ROBO2: variants seen among roughly 807,000 people sequenced by gnomAD.
ROBO2 encodes the protein roundabout homolog 2.
In ROBO2, 53 loss-of-function variants were observed where a neutral mutation model predicts 160.8. The ratio of observed to expected loss-of-function variants is 0.33; its 90% CI spans 0.26 to 0.41. ROBO2 has a LOEUF of 0.41. Ranked by LOEUF, ROBO2 falls within the 10% of genes least tolerant of loss-of-function variation. The probability of loss-of-function intolerance (pLI) is 1.00; values close to 1 mark genes in which losing one functional copy is unlikely to be tolerated. For synonymous variants in ROBO2, 664 were observed against 611.7 expected (o/e 1.09, Z -1.26); for missense variants, 1,577 against 1,722.4 (o/e 0.92, Z 1.49).
chr3:76,716,823 G>C (rs1487075313), intron 2 of ROBO2, among the ~76,000 whole-genome samples: 1 of 152,194 alleles, frequency 6.6e-6, no homozygotes, highest in African/African-American at 2.4e-5. Flanking sequence ...GGGATGGCCA[G>C]TGGCAAGCTC....
intron 1 of ROBO2, chr3:75,937,447 T>C (rs1392469994): frequency 8.4e-7 from 1 of 1,188,108 alleles, no homozygotes; most frequent in Non-Finnish European, 1.2e-6. Context: ...ATGTAATTTA[T>C]TGTACTTTCA....
intron 2 of ROBO2, among the ~76,000 whole-genome samples, chr3:76,893,989 A>G (rs2074564734): frequency 6.6e-6 from 1 of 152,134 alleles, no homozygotes. Context: ...CTGTGAATTG[A>G]TAGACGATTT....
chr3:77,052,048 C>G (rs989532597), intron 1 of ROBO2, among the ~76,000 whole-genome samples: 3 of 152,148 alleles, frequency 2.0e-5, no homozygotes, highest in Non-Finnish European at 4.4e-5. Flanking sequence ...ACCCCAGATT[C>G]TTCCGTTTTC....
At chr3:76,544,482 C>A (rs964586389) in intron 2 of ROBO2, among the ~76,000 whole-genome samples, 5 of 151,924 alleles carry the variant, frequency 3.3e-5, no homozygotes, top group African/African-American at 1.2e-4. Flanking sequence ...AAATTTCCTC[C>A]AGCCATTTCT....
chr3:76,085,641 C>T (rs1222106277), intron 2 of ROBO2, among the ~76,000 whole-genome samples: 1 of 151,980 alleles, frequency 6.6e-6, no homozygotes, highest in African/African-American at 2.4e-5. Context: ...AAACTGTTGC[C>T]CCTGAAATTG....
intron 2 of ROBO2, among the ~76,000 whole-genome samples, chr3:76,896,727 G>T (rs543267786): frequency 1.3e-5 from 2 of 152,154 alleles, no homozygotes; most frequent in South Asian, 4.1e-4. Context: ...TGGTGACTGG[G>T]AGTTTATCAT....
intron 2 of ROBO2, among the ~76,000 whole-genome samples, chr3:76,622,510 C>T (rs2089296271): frequency 6.6e-6 from 1 of 152,016 alleles, no homozygotes; most frequent in South Asian, 2.1e-4. Context: ...TTAACAGTCC[C>T]ATCCCCTATC....
At chr3:76,993,199 TAC>T (rs983715678) in intron 2 of ROBO2, among the ~76,000 whole-genome samples, 3 of 151,458 alleles carry the variant, frequency 2.0e-5, no homozygotes, top group African/African-American at 7.4e-5. Flanking sequence ...GCTTCTGACT[TAC>T]AGTCAATCTC....
At chr3:75,907,549 T>C (rs1946400126) in intron 1 of ROBO2, among the ~76,000 whole-genome samples, 1 of 152,182 alleles carries the variant, frequency 6.6e-6, no homozygotes, top group South Asian at 2.1e-4. Context: ...GACGGCAATA[T>C]AGCTTAAAAG....
At chr3:77,515,188 C>G (rs550350658) in intron 5 of ROBO2, among the ~76,000 whole-genome samples, 1 of 151,820 alleles carries the variant, frequency 6.6e-6, no homozygotes, top group African/African-American at 2.4e-5. Context: ...ACCTGAGACA[C>G]TTAAGGTAAA....
chr3:77,574,672 T>C, exon 14 of ROBO2: 2 of 1,613,320 alleles, frequency 1.2e-6, no homozygotes, highest in Non-Finnish European at 1.7e-6. Context: ...TACGGCCATA[T>C]TTTAATGAGT....
intron 2 of ROBO2, among the ~76,000 whole-genome samples, chr3:76,898,206 A>C (rs1418662805): frequency 6.6e-6 from 1 of 152,088 alleles, no homozygotes; most frequent in Admixed American, 6.6e-5. Context: ...ACTTCCATAA[A>C]AGTTTATTTT....
chr3:76,612,259 C>T (rs1029632799), intron 2 of ROBO2, among the ~76,000 whole-genome samples: 1 of 152,132 alleles, frequency 6.6e-6, no homozygotes, highest in African/African-American at 2.4e-5. Context: ...CTGTAAATAT[C>T]CATTGGGTCC....
chr3:76,992,344 TATATATATATATATATATATATATA>T (rs1295039400), intron 2 of ROBO2, among the ~76,000 whole-genome samples: 2,226 of 74,150 alleles, frequency 0.03, 43 homozygotes, highest in African/African-American at 0.03. Flanking sequence ...TATATATATA[TATATATATATATATATATATATATA>T]AATTTAGCTT....
At chr3:77,500,095 C>T (rs1460253630) in intron 5 of ROBO2, among the ~76,000 whole-genome samples, 1 of 152,134 alleles carries the variant, frequency 6.6e-6, no homozygotes, top group Non-Finnish European at 1.5e-5. Flanking sequence ...GGGTTGAGAC[C>T]TTCACATTTC....
At chr3:77,475,544 T>C (rs1248637498) in intron 2 of ROBO2, among the ~76,000 whole-genome samples, 1 of 152,180 alleles carries the variant, frequency 6.6e-6, no homozygotes, top group Non-Finnish European at 1.5e-5. Flanking sequence ...AGAGCAGATC[T>C]GGAGAAGGCC....
chr3:76,191,878 C>T (rs539276195), intron 2 of ROBO2, among the ~76,000 whole-genome samples: 1 of 152,116 alleles, frequency 6.6e-6, no homozygotes, highest in African/African-American at 2.4e-5. Flanking sequence ...GATAGTCTGT[C>T]ATTCCAACTA....
intron 2 of ROBO2, among the ~76,000 whole-genome samples, chr3:76,211,015 C>CT: frequency 6.6e-6 from 1 of 152,016 alleles, no homozygotes; most frequent in East Asian, 1.9e-4. Flanking sequence ...TTTAACCAAT[C>CT]TTTTGTAATG....
chr3:77,536,328 CCT>C (rs2092099953), intron 6 of ROBO2, among the ~76,000 whole-genome samples: 7 of 151,920 alleles, frequency 4.6e-5, no homozygotes, highest in Admixed American at 3.9e-4. Context: ...ACTCTCCCAC[CCT>C]TCCTTCCTTT....
Sources: allele counts gnomAD v4.1 joint callset (sites outside exome capture counted in the v4.1 genomes callset), GRCh38; gene constraint gnomAD v4.1.1; transcripts MANE v1.5; gene names NCBI Gene and HGNC (gene_info 2026-07-23, HGNC 2026-07-21).